The following NAALADL2 variants were observed in gnomAD, a reference collection of about 807,000 sequenced individuals.
NAALADL2 encodes inactive N-acetylated-alpha-linked acidic dipeptidase-like protein 2.
In NAALADL2, 76 loss-of-function variants were observed where a neutral mutation model predicts 87.2. That is an observed-to-expected ratio of 0.87 (90% CI 0.72 to 1.05). The LOEUF (loss-of-function observed/expected upper bound fraction) is 1.05, where lower values mean the gene tolerates loss of function less well. Among genes scored for constraint, NAALADL2 ranks in the 50% least tolerant of loss-of-function variants. The pLI, the probability that NAALADL2 is intolerant of heterozygous loss-of-function variation, is 0.00. For missense variants in NAALADL2, 1,089 were observed against 945.8 expected (o/e 1.15, Z -1.99); for synonymous variants, 354 against 331.0 (o/e 1.07, Z -0.75).
At chr3:175,477,307 T>G (rs901672639) in intron 9 of NAALADL2, among the ~76,000 whole-genome samples, 1 of 152,138 alleles carries the variant, frequency 6.6e-6, no homozygotes, top group Non-Finnish European at 1.5e-5. Context: ...CTTCTAACAC[T>G]TTCGAACCTG....
chr3:175,107,060 G>C (rs1560035499), intron 2 of NAALADL2, among the ~76,000 whole-genome samples: 1 of 151,952 alleles, frequency 6.6e-6, no homozygotes, highest in Non-Finnish European at 1.5e-5. Context: ...CCCATCCTGG[G>C]AAACTATCAC....
intron 2 of NAALADL2, among the ~76,000 whole-genome samples, chr3:174,725,086 CA>C: frequency 6.6e-6 from 1 of 152,134 alleles, no homozygotes; most frequent in Non-Finnish European, 1.5e-5. Context: ...TATGTTTCCT[CA>C]CCCCCCAAAG....
intron 1 of NAALADL2, among the ~76,000 whole-genome samples, chr3:174,982,457 G>A (rs1745248503): frequency 6.6e-6 from 1 of 152,046 alleles, no homozygotes; most frequent in South Asian, 2.1e-4. Context: ...TTGCCACTAT[G>A]AGTTATATAT....
At chr3:174,591,431 A>G (rs1717348987) in intron 2 of NAALADL2, among the ~76,000 whole-genome samples, 1 of 152,216 alleles carries the variant, frequency 6.6e-6, no homozygotes, top group Non-Finnish European at 1.5e-5. Flanking sequence ...ACCATCTGCT[A>G]TGGCATAATG....
At chr3:175,042,242 G>A (rs1754159055) in intron 1 of NAALADL2, among the ~76,000 whole-genome samples, 1 of 152,014 alleles carries the variant, frequency 6.6e-6, no homozygotes, top group Admixed American at 6.6e-5. Context: ...ATCACAAATG[G>A]CAGAATTTCC....
intron 11 of NAALADL2, among the ~76,000 whole-genome samples, chr3:175,702,660 T>A (rs1464088832): frequency 6.6e-6 from 1 of 152,174 alleles, no homozygotes; most frequent in Admixed American, 6.6e-5. Flanking sequence ...ATGTAAGTTA[T>A]CAAAATGTCC....
chr3:174,988,627 A>G (rs940461064), intron 1 of NAALADL2, among the ~76,000 whole-genome samples: 4 of 152,166 alleles, frequency 2.6e-5, no homozygotes, highest in African/African-American at 9.6e-5. Flanking sequence ...AGGCACTAGG[A>G]AAGATTTATT....
At chr3:175,442,706 T>G (rs1276935211) in intron 5 of NAALADL2, among the ~76,000 whole-genome samples, 3 of 152,240 alleles carry the variant, frequency 2.0e-5, no homozygotes, top group Non-Finnish European at 4.4e-5. Context: ...GTAATGGGTC[T>G]GTTTGAGTCT....
intron 2 of NAALADL2, among the ~76,000 whole-genome samples, chr3:174,703,216 T>C (rs1383671802): frequency 6.6e-6 from 1 of 151,980 alleles, no homozygotes; most frequent in African/African-American, 2.4e-5. Context: ...CTTGGCTCAT[T>C]GTAGCTTCGG....
chr3:175,778,525 C>T (rs913560424), intron 13 of NAALADL2, among the ~76,000 whole-genome samples: 11 of 152,156 alleles, frequency 7.2e-5, no homozygotes, highest in Non-Finnish European at 1.5e-4. Context: ...AGGACAAAGT[C>T]AGTTGAGAAT....
chr3:175,569,169 G>A (rs1007645942), intron 9 of NAALADL2, among the ~76,000 whole-genome samples: 3 of 152,106 alleles, frequency 2.0e-5, no homozygotes, highest in Non-Finnish European at 2.9e-5. Flanking sequence ...TCAGTTTCAC[G>A]TGTAATGATT....
intron 1 of NAALADL2, among the ~76,000 whole-genome samples, chr3:174,880,020 T>C (rs1226525564): frequency 6.6e-6 from 1 of 152,084 alleles, no homozygotes; most frequent in Non-Finnish European, 1.5e-5. Context: ...TTAATCTCCT[T>C]TGCTGTTTTA....
intron 1 of NAALADL2, among the ~76,000 whole-genome samples, chr3:174,916,065 G>T (rs1049196689): frequency 1.3e-5 from 2 of 152,018 alleles, no homozygotes; most frequent in African/African-American, 4.8e-5. Flanking sequence ...CAAAGGACAT[G>T]AATATACCTT....
rs376973001 is a variant in NAALADL2 at position 175,270,347 on chromosome 3, G to C, written c.939+13817G>C. On this transcript the variant is annotated intron_variant, in intron 4 of 13. Coordinates refer to ENST00000454872, the MANE Select transcript of NAALADL2 (RefSeq NM_207015.3). Reference sequence around the variant, plus strand: ...TATCACTTGATATTCTCCCTGCAGAGTATGGTAAAAATCAACTAGTAGGTT... The same window carrying C: ...TATCACTTGATATTCTCCCTGCAGACTATGGTAAAAATCAACTAGTAGGTT... Among the ~76,000 whole-genome samples, 4 of 152,328 alleles carry C rather than the reference G, an allele frequency of 2.6e-5. No individual in the cohort carries two copies. The East Asian group carries it at 7.7e-4, about 29-fold the overall frequency.
At chr3:174,564,349 A>AG (rs1713982866) in intron 2 of NAALADL2, among the ~76,000 whole-genome samples, 1 of 152,098 alleles carries the variant, frequency 6.6e-6, no homozygotes, top group Non-Finnish European at 1.5e-5. Flanking sequence ...TAATCTTTCT[A>AG]AGTTAGGACA....
chr3:175,555,438 C>T (rs556126015), intron 9 of NAALADL2, among the ~76,000 whole-genome samples: 3 of 152,230 alleles, frequency 2.0e-5, no homozygotes, highest in East Asian at 1.9e-4. Context: ...TTTGTGTTAA[C>T]GTCGTGAAGT....
chr3:174,765,107 CAGAAAT>C (rs1713607623), intron 3 of NAALADL2, among the ~76,000 whole-genome samples: 1 of 147,514 alleles, frequency 6.8e-6, no homozygotes, highest in Admixed American at 6.9e-5. Context: ...AAAATACACA[CAGAAAT>C]ACACACACAT....
intron 3 of NAALADL2, among the ~76,000 whole-genome samples, chr3:174,751,257 T>C (rs1001156699): frequency 6.6e-6 from 1 of 152,190 alleles, no homozygotes; most frequent in Non-Finnish European, 1.5e-5. Flanking sequence ...TTTTATTGTG[T>C]ATTTTAGTCC....
intron 3 of NAALADL2, among the ~76,000 whole-genome samples, chr3:174,826,948 A>G (rs564313749): frequency 1.6e-4 from 24 of 152,294 alleles, no homozygotes; most frequent in African/African-American, 5.5e-4. Context: ...TTTAGCCTAA[A>G]TTAATTAAGA....
Sources: gnomAD v4.1 joint callset for allele counts (sites outside exome capture counted in the v4.1 genomes callset) on GRCh38, gnomAD v4.1.1 for gene constraint, MANE v1.5 for transcripts, NCBI Gene and HGNC (gene_info 2026-07-23, HGNC 2026-07-21) for gene names.